Variants in CDH23 observed in about 807,000 individuals in gnomAD.
CDH23 encodes the protein cadherin-23.
In CDH23, 189 loss-of-function variants were observed where a neutral mutation model predicts 317.1. The observed-to-expected ratio is 0.60, with a 90% CI of 0.53 to 0.67. CDH23 has a LOEUF of 0.67. Among genes scored for constraint, CDH23 ranks in the 30% least tolerant of loss-of-function variants. The pLI is 0.00. For missense variants in CDH23, 4,401 were observed against 4,592.4 expected (o/e 0.96, Z 1.20); for synonymous variants, 1,839 against 1,876.8 (o/e 0.98, Z 0.52).
rs1054702446 is a variant in CDH23, at chr10:71,403,866, G to C, written c.-6+6548G>C. On this transcript the variant is annotated intron_variant, in intron 1 of 69. Transcript: ENST00000224721. ...GTACTTTGGGAGGCCGAGGTGGGTG[G>C]ATCATTTGAGGTCAGGAGCTAGAGA... Among the ~76,000 whole-genome samples, 9 of 150,954 alleles carry C rather than the reference G, an allele frequency of 6.0e-5. No individual in the cohort carries two copies. The East Asian group carries it at 8.1e-4, about 14-fold the overall frequency.
chr10:71,751,252 G>A lies in CDH23; in HGVS notation c.4845+9331G>A, dbSNP rs750750695. The stretch of plus-strand genomic sequence containing the variant: ...CAACAGCCCACTGTCCCCCAGCTGG[G>A]CTAGATGACCTCAAAGTTTGGAGAG... On this transcript the variant is annotated intron_variant, in intron 38 of 69. Transcript: ENST00000224721. This position sits in a 1 kb window ranked among gnomAD's most constrained non-coding sequence, Gnocchi z 4.9. 3 of 1,608,724 alleles carry A rather than the reference G, an allele frequency of 1.9e-6. No individual in the cohort carries two copies. Among genetic ancestry groups the A allele is most frequent in the Non-Finnish European group, 2.5e-6 (3 of 1,177,172 alleles).
chr10:71,667,015 A>G (rs1863927508), intron 14 of CDH23, among the ~76,000 whole-genome samples: 1 of 152,244 alleles, frequency 6.6e-6, no homozygotes, highest in Admixed American at 6.5e-5. Flanking sequence ...TGTTTCCTGA[A>G]CAAATTGTAC....
Position 71,799,732 on chromosome 10 carries a change from G to A in CDH23, c.7362+103G>A, listed in dbSNP as rs117982608. The A allele has an allele frequency of 0.017, 25,070 of 1,493,572 alleles. 252 individuals carry two copies. The highest frequency in any genetic ancestry group is 0.021 in the Non-Finnish European group (22,794 of 1,087,178). 92.5% of individuals were successfully genotyped at this position (1,493,572 alleles called of 1,614,324 possible). On this transcript the variant is annotated intron_variant, in intron 52 of 69. Transcript: ENST00000224721. ...TGTAGTAATCCCTCTGGGTCTTGTC[G>A]CCTGGACATCTGCATCCCCAGAGGT...
At chr10:71,420,439 GGTCATTATGATGGTGATGATA>G (rs1848714518) in intron 1 of CDH23, among the ~76,000 whole-genome samples, 1 of 11,158 alleles carries the variant, frequency 9.0e-5, no homozygotes, top group Non-Finnish European at 2.1e-4. Flanking sequence ...TGATGATGAT[GGTCATTATGATGGTGATGATA>G]ATGATGATGG....
chr10:71,664,321 G>C (rs1589309886), intron 14 of CDH23, among the ~76,000 whole-genome samples: 3 of 152,350 alleles, frequency 2.0e-5, no homozygotes, highest in African/African-American at 7.2e-5. Flanking sequence ...ATAAAATAAA[G>C]GGAAATAAGG....
At position 71,732,296 on chromosome 10, in the gene CDH23, A is replaced by G. The variant is rs1207348582; in HGVS notation, c.4025A>G (p.Asn1342Ser). 1 of 1,612,350 alleles carries G rather than the reference A, an allele frequency of 6.2e-7. No individual in the cohort carries two copies. The change falls in exon 32 of 70, where the codon AAC (asparagine) becomes AGC (serine). Residue 1342 changes from asparagine (N) to serine (S), a missense_variant. Transcript: ENST00000224721. ...IVRVQAYSIDNLNQITYRFNA... is the reference protein window; with the variant it reads ...IVRVQAYSIDSLNQITYRFNA... ...CGGGTCCAGGCCTACTCCATCGACA[A>G]CCTCAACCAAATCACGTACCGCTTC...
chr10:71,518,061 G>A (rs188723457), intron 6 of CDH23, among the ~76,000 whole-genome samples: 305 of 148,616 alleles, frequency 2.1e-3, no homozygotes, highest in Middle Eastern at 6.8e-3. Context: ...CCTGAGGGTT[G>A]TGTGTGTGTA....
At chr10:71,478,357 A>G (rs953096573) in intron 3 of CDH23, among the ~76,000 whole-genome samples, 26 of 152,086 alleles carry the variant, frequency 1.7e-4, no homozygotes, top group Admixed American at 2.0e-4. Flanking sequence ...CTTACACCTC[A>G]GGGCCTTTGC....
intron 9 of CDH23, among the ~76,000 whole-genome samples, chr10:71,601,183 G>A (rs1184344470): frequency 1.3e-5 from 2 of 152,212 alleles, no homozygotes; most frequent in African/African-American, 2.4e-5. Flanking sequence ...CCTTCTAGAA[G>A]CATTGTTTCT....
intron 30 of CDH23, 100 bp downstream of exon 30, chr10:71,725,620 C>T: frequency 7.3e-7 from 1 of 1,366,110 alleles, no homozygotes; most frequent in Non-Finnish European, 9.9e-7. Context: ...TGGGCAGGGC[C>T]ACCACTGATT....
intron 10 of CDH23, 29 bp downstream of exon 10, chr10:71,615,645 A>C: frequency 6.7e-7 from 1 of 1,498,776 alleles, no homozygotes. Context: ...CCTTCACCCC[A>C]GGTAGAGGAG....
At chr10:71,603,933 G>T (rs1413686966) in intron 9 of CDH23, among the ~76,000 whole-genome samples, 1 of 152,198 alleles carries the variant, frequency 6.6e-6, no homozygotes, top group Non-Finnish European at 1.5e-5. Context: ...GAAGCGCTTG[G>T]TCAACAGGCA....
intron 17 of CDH23, among the ~76,000 whole-genome samples, chr10:71,680,461 A>T (rs935036126): frequency 2.6e-5 from 4 of 152,162 alleles, no homozygotes; most frequent in Admixed American, 2.0e-4. Context: ...TAGAAATTGC[A>T]GTTCTGACCA....
intron 9 of CDH23, among the ~76,000 whole-genome samples, chr10:71,593,300 C>T (rs10999905): frequency 6.6e-6 from 1 of 151,984 alleles, no homozygotes; most frequent in Non-Finnish European, 1.5e-5. Context: ...AAGCAAGATC[C>T]CTACCATACA....
rs1318581682 is a variant in CDH23 at position 71,552,502 on chromosome 10, T to C, written c.430-14240T>C. Among the ~76,000 whole-genome samples the C allele has an allele frequency of 2.0e-5, 3 of 152,140 alleles. No homozygotes were observed. In the East Asian group the frequency reaches 5.8e-4, roughly 29 times the overall value. On this transcript the variant is annotated intron_variant, in intron 6 of 69. Coordinates refer to ENST00000224721, the MANE Select transcript of CDH23 (RefSeq NM_022124.6). ...TTCATCTGCATGAGAGTGTCATATA[T>C]CTCACTGGAGAGTGAGGCTCAGAAA...
intron 11 of CDH23, among the ~76,000 whole-genome samples, chr10:71,623,179 G>A (rs995997821): frequency 1.3e-5 from 2 of 152,194 alleles, no homozygotes; most frequent in African/African-American, 4.8e-5. Flanking sequence ...GTGAGTGAGT[G>A]ACAGGGTGGG....
intron 1 of CDH23, among the ~76,000 whole-genome samples, chr10:71,425,869 G>T (rs151201546): frequency 0.015 from 2,286 of 152,370 alleles, 25 homozygotes; most frequent in Middle Eastern, 0.037. Context: ...TGTTCTGGCA[G>T]CTGTGTGGAG....
rs1051181659 is a variant in CDH23, at chr10:71,740,846, C to G, written c.4513C>G (p.Pro1505Ala). The G allele has an allele frequency of 6.2e-7, 1 of 1,613,836 alleles. No homozygotes were observed. Among genetic ancestry groups the G allele is most frequent in the African/African-American group, 1.3e-5 (1 of 75,062 alleles). Reference protein sequence around the residue: ...LQVVASDRGTPPRKKDHILQV... With the variant: ...LQVVASDRGTAPRKKDHILQV... ...GGTTGTGGCTTCTGACCGAGGCACC[C>G]CTCCACGGAAGAAGGACCACATCCT... Residue 1505 changes from proline (P) to alanine (A), a missense_variant, in exon 37 of 70, where the codon CCT (proline) becomes GCT (alanine). This residue lies in a region of CDH23 where 3,068 missense variants were observed against 3,203.3 expected (regional missense o/e 0.96). Transcript: ENST00000224721.
intron 27 of CDH23, among the ~76,000 whole-genome samples, chr10:71,710,136 G>T (rs547525513): frequency 6.4e-4 from 98 of 152,286 alleles, no homozygotes; most frequent in African/African-American, 2.1e-3. Flanking sequence ...GGGACGCAAA[G>T]CCAAACCATA....
Sources: allele counts gnomAD v4.1 joint callset (sites outside exome capture counted in the v4.1 genomes callset), GRCh38; gene constraint gnomAD v4.1.1; regional missense constraint gnomAD v4.1.1; non-coding constraint Gnocchi (gnomAD v3.1); transcripts MANE v1.5; gene names NCBI Gene and HGNC (gene_info 2026-07-23, HGNC 2026-07-21).